RCAN1: variants seen among roughly 807,000 people sequenced by gnomAD.
RCAN1 encodes calcipressin-1.
In RCAN1, 11 loss-of-function variants were observed where a neutral mutation model predicts 22.9. The observed-to-expected ratio is 0.48, with a 90% CI of 0.30 to 0.79. The LOEUF (loss-of-function observed/expected upper bound fraction) is 0.79, where lower values mean the gene tolerates loss of function less well. Ranked by LOEUF, RCAN1 falls within the 30% of genes least tolerant of loss-of-function variation. The probability of loss-of-function intolerance (pLI) is 0.06; values close to 1 mark genes in which losing one functional copy is unlikely to be tolerated. For synonymous variants in RCAN1, 136 were observed against 142.3 expected (o/e 0.96, Z 0.32); for missense variants, 291 against 337.8 (o/e 0.86, Z 1.09).
intron 3 of RCAN1, 183 bp downstream of exon 3, chr21:34,521,316 G>T (rs549551046): frequency 6.9e-5 from 102 of 1,483,258 alleles, no homozygotes; most frequent in African/African-American, 8.3e-5. Flanking sequence ...CACTGCAGGT[G>T]GTGCCAAGAG....
chr21:34,575,586 G>A (rs888665381), intron 1 of RCAN1, among the ~76,000 whole-genome samples: 9 of 152,136 alleles, frequency 5.9e-5, no homozygotes, highest in South Asian at 2.1e-4. Context: ...GCAGTGTTAC[G>A]ATCATGGCTC....
intron 1 of RCAN1, chr21:34,524,691 C>T (rs1228247742): frequency 6.1e-6 from 1 of 162,710 alleles, no homozygotes; most frequent in African/African-American, 2.4e-5. Context: ...TGCATCCTGG[C>T]TTTCGTGTCT....
intron 1 of RCAN1, among the ~76,000 whole-genome samples, chr21:34,593,228 A>G (rs963665621): frequency 6.6e-6 from 1 of 152,254 alleles, no homozygotes; most frequent in Admixed American, 6.5e-5. Context: ...ACTATAGTGA[A>G]GCACCAATAC....
intron 1 of RCAN1, chr21:34,526,644 G>C (rs147745471): frequency 5.0e-6 from 8 of 1,606,108 alleles, no homozygotes; most frequent in Non-Finnish European, 6.8e-6. Flanking sequence ...AGAAAATCAC[G>C]TTATATTAGA....
At chr21:34,578,682 A>G (rs1987497936) in intron 1 of RCAN1, among the ~76,000 whole-genome samples, 1 of 152,156 alleles carries the variant, frequency 6.6e-6, no homozygotes, top group Non-Finnish European at 1.5e-5. Flanking sequence ...AGGGCTCTGG[A>G]AGAATCTCCT....
intron 3 of RCAN1, among the ~76,000 whole-genome samples, chr21:34,519,751 C>G (rs554102114): frequency 4.3e-4 from 66 of 152,252 alleles, no homozygotes; most frequent in African/African-American, 1.3e-3. Flanking sequence ...GCACCAACCA[C>G]TGTGTGATTT....
chr21:34,568,787 C>G (rs1443968211), intron 1 of RCAN1, among the ~76,000 whole-genome samples: 2 of 152,182 alleles, frequency 1.3e-5, no homozygotes, highest in African/African-American at 4.8e-5. Context: ...TCAATGTCTT[C>G]CTTTCTGCAA....
At chr21:34,613,234 C>A (rs1057087853) in intron 1 of RCAN1, among the ~76,000 whole-genome samples, 6 of 151,792 alleles carry the variant, frequency 4.0e-5, no homozygotes, top group Non-Finnish European at 8.8e-5. Flanking sequence ...TCCCAGATCT[C>A]CACTCCCTCC....
chr21:34,579,674 C>T (rs1987536296), intron 1 of RCAN1, among the ~76,000 whole-genome samples: 1 of 152,202 alleles, frequency 6.6e-6, no homozygotes, highest in Admixed American at 6.5e-5. Flanking sequence ...ATTACTTATG[C>T]TTGCTAATGA....
At chr21:34,563,788 T>TAGAGAGAGAGAGAG (rs1349261254) in intron 1 of RCAN1, among the ~76,000 whole-genome samples, 1 of 94,098 alleles carries the variant, frequency 1.1e-5, no homozygotes, top group Non-Finnish European at 2.2e-5. Flanking sequence ...TATATATATA[T>TAGAGAGAGAGAGAG]ATATATAGAG....
intron 1 of RCAN1, among the ~76,000 whole-genome samples, chr21:34,608,270 G>A (rs1175431712): frequency 6.6e-6 from 1 of 152,064 alleles, no homozygotes; most frequent in Non-Finnish European, 1.5e-5. Flanking sequence ...AAAAATGTTG[G>A]GGACCACTGG....
chr21:34,583,505 C>T (rs146457269), intron 1 of RCAN1, among the ~76,000 whole-genome samples: 57 of 152,208 alleles, frequency 3.7e-4, no homozygotes, highest in African/African-American at 1.3e-3. Flanking sequence ...CTAATCTGAT[C>T]GGTGTCTTTG....
intron 1 of RCAN1, among the ~76,000 whole-genome samples, chr21:34,580,076 C>A (rs1408772794): frequency 6.6e-6 from 1 of 152,172 alleles, no homozygotes; most frequent in South Asian, 2.1e-4. Flanking sequence ...TCAGACCCAC[C>A]GTGTCTGCAC....
At position 34,518,385 on chromosome 21, in the gene RCAN1, G is replaced by T; in HGVS notation, c.587-129C>A. ...CCATTCGATTGGGCTGAGAGACACA[G>T]CCAGACATATTTTGGGTTTGTATTT... is the stretch of plus-strand genomic sequence containing the variant. On this transcript the variant is annotated intron_variant, in intron 3 of 3. Coordinates refer to ENST00000313806, the MANE Select transcript of RCAN1 (RefSeq NM_004414.7). This position sits in a 1 kb window ranked among gnomAD's most constrained non-coding sequence, Gnocchi z 4.2. 2 of 930,706 alleles carry T rather than the reference G, an allele frequency of 2.1e-6. No individual in the cohort carries two copies. Among genetic ancestry groups the T allele is most frequent in the Non-Finnish European group, 3.2e-6 (2 of 633,976 alleles). 57.7% of individuals were successfully genotyped at this position (930,706 alleles called of 1,614,324 possible). A position where few individuals can be genotyped will look rare whatever the true frequency, so the allele number is the denominator to read the frequency against.
At chr21:34,587,968 G>A (rs748393049) in intron 1 of RCAN1, among the ~76,000 whole-genome samples, 31 of 152,166 alleles carry the variant, frequency 2.0e-4, no homozygotes, top group Non-Finnish European at 4.3e-4. Flanking sequence ...GAAGGAATCT[G>A]CAGCAGAAAT....
At chr21:34,539,387 A>G (rs774016663) in intron 1 of RCAN1, among the ~76,000 whole-genome samples, 22 of 152,356 alleles carry the variant, frequency 1.4e-4, no homozygotes, top group Middle Eastern at 3.4e-3. Context: ...ACTTGCTGTT[A>G]GGAGAAAAAA....
chr21:34,526,799 A>C (rs1389938781), intron 1 of RCAN1: 2 of 1,575,662 alleles, frequency 1.3e-6, no homozygotes, highest in South Asian at 2.3e-5. Flanking sequence ...TCAAGCCCCT[A>C]GTGAGATTCC....
At chr21:34,555,102 T>C (rs1986508348) in intron 1 of RCAN1, among the ~76,000 whole-genome samples, 2 of 152,248 alleles carry the variant, frequency 1.3e-5, no homozygotes, top group African/African-American at 2.4e-5. Flanking sequence ...GTGCACTTGC[T>C]GTTTCCAGAC....
At chr21:34,520,957 G>A (rs1984468048) in intron 3 of RCAN1, 2 of 498,310 alleles carry the variant, frequency 4.0e-6, no homozygotes, top group Non-Finnish European at 2.7e-6. Context: ...TCTTTAGCAA[G>A]CTCTGTAGGG....
Sources: gnomAD v4.1 joint callset for allele counts (sites outside exome capture counted in the v4.1 genomes callset) on GRCh38, gnomAD v4.1.1 for gene constraint, Gnocchi (gnomAD v3.1) non-coding constraint, MANE v1.5 for transcripts, NCBI Gene and HGNC (gene_info 2026-07-23, HGNC 2026-07-21) for gene names.